SOS1: variants seen among roughly 807,000 people sequenced by gnomAD.
SOS1 encodes the protein son of sevenless homolog 1.
Under a neutral mutation model 157.6 loss-of-function variants are expected in SOS1, and 25 were observed. That is an observed-to-expected ratio of 0.16 (90% CI 0.12 to 0.22). SOS1 has a LOEUF of 0.22. Ranked by LOEUF, SOS1 falls within the 10% of genes least tolerant of loss-of-function variation. The probability of loss-of-function intolerance (pLI) is 1.00; values close to 1 mark genes in which losing one functional copy is unlikely to be tolerated. For missense variants in SOS1, 1,237 were observed against 1,599.1 expected, an observed-to-expected ratio of 0.77 and a Z score of 3.86; for synonymous variants, 528 against 534.0, an observed-to-expected ratio of 0.99 and a Z score of 0.16.
At chr2:39,076,728 G>C in intron 1 of SOS1, among the ~76,000 whole-genome samples, 1 of 151,946 alleles carries the variant, frequency 6.6e-6, no homozygotes, top group Non-Finnish European at 1.5e-5. Context: ...TTAAAACCAG[G>C]GACAAGACAA....
rs1232722789 is a variant in SOS1, at chr2:39,100,614, CATAT to C, written c.87+19718_87+19721del. ...ATATGGAAATCTGCAAAAAGTCTAA[CATAT>C]AGAAACAAAAGAGCAGGCCAGGCGT... On this transcript the variant is annotated intron_variant, in intron 1 of 22. Transcript: ENST00000402219. 5.3e-5 allele frequency among the ~76,000 whole-genome samples: 8 copies of C among 152,088 alleles called. No homozygotes were observed. In the East Asian group the frequency reaches 1.3e-3, roughly 26 times the overall value.
At chr2:39,002,483 T>C (rs1181810100) in intron 17 of SOS1, among the ~76,000 whole-genome samples, 1 of 152,170 alleles carries the variant, frequency 6.6e-6, no homozygotes, top group East Asian at 1.9e-4. Flanking sequence ...AGGTTTCTTT[T>C]CATGTCTGTG....
At chr2:39,015,801 T>C (rs1366137475) in intron 10 of SOS1, among the ~76,000 whole-genome samples, 1 of 135,232 alleles carries the variant, frequency 7.4e-6, no homozygotes, top group East Asian at 2.1e-4. Context: ...TAATTGTAAA[T>C]CTTTTTTTTT....
chr2:39,109,705 T>G (rs188194785), intron 1 of SOS1, among the ~76,000 whole-genome samples: 218 of 152,326 alleles, frequency 1.4e-3, no homozygotes, highest in Non-Finnish European at 2.3e-3. Context: ...TCATAAAATC[T>G]ATTTCCTCAG....
At chr2:39,080,668 T>C (rs1474390791) in intron 1 of SOS1, among the ~76,000 whole-genome samples, 1 of 152,184 alleles carries the variant, frequency 6.6e-6, no homozygotes, top group South Asian at 2.1e-4. Flanking sequence ...ATGCTGAGTA[T>C]TGAGAAAAAC....
In SOS1 at chr2:39,106,318, C is replaced by T. The variant is rs189756715; in HGVS notation, c.87+14018G>A. Among the ~76,000 whole-genome samples the T allele has an allele frequency of 3.3e-5, 5 of 151,746 alleles. No individual in the cohort carries two copies. The East Asian group carries it at 7.8e-4, about 24-fold the overall frequency. On this transcript the variant is annotated intron_variant, in intron 1 of 22. Coordinates refer to ENST00000402219, the MANE Select transcript of SOS1 (RefSeq NM_005633.4). ...TAAATAACATCTGAGTGGCCGGGCG[C>T]GGTGGCTCACGCCTGTAATCCCAGC...
At chr2:39,020,862 TATTC>T (rs1237685347) in intron 10 of SOS1, among the ~76,000 whole-genome samples, 2 of 150,834 alleles carry the variant, frequency 1.3e-5, no homozygotes, top group African/African-American at 4.8e-5. Flanking sequence ...TAAATTAAAA[TATTC>T]AGTTAAGCTT....
chr2:39,045,488 G>C (rs1670747478), intron 6 of SOS1, among the ~76,000 whole-genome samples: 1 of 151,844 alleles, frequency 6.6e-6, no homozygotes, highest in Admixed American at 6.6e-5. Flanking sequence ...AATGGCTGTT[G>C]TATCTTCATG....
At chr2:39,121,316 G>A (rs1200203243), upstream of SOS1, among the ~76,000 whole-genome samples, 2 of 152,118 alleles carry the variant, frequency 1.3e-5, no homozygotes, top group Non-Finnish European at 2.9e-5. Context: ...CACCCTTCTC[G>A]GAGTCCCTGG....
chr2:39,010,769 G>A, intron 14 of SOS1, 66 bp from the exon 15 acceptor site: 1 of 1,302,098 alleles, frequency 7.7e-7, no homozygotes, highest in Non-Finnish European at 1.1e-6. Flanking sequence ...GTTTTATTAA[G>A]TAAAGGAGAC....
chr2:39,061,292 C>G (rs1356184362), intron 2 of SOS1, among the ~76,000 whole-genome samples: 1 of 148,882 alleles, frequency 6.7e-6, no homozygotes, highest in Non-Finnish European at 1.5e-5. Flanking sequence ...TGTGGAGAGG[C>G]CATACTGAAG....
At chr2:39,063,896 G>A (rs1671498150) in intron 2 of SOS1, among the ~76,000 whole-genome samples, 3 of 151,644 alleles carry the variant, frequency 2.0e-5, no homozygotes, top group African/African-American at 7.3e-5. Flanking sequence ...GCAGTGGCGC[G>A]ATCACAGCTT....
At chr2:39,047,661 G>A (rs764019308) in intron 6 of SOS1, among the ~76,000 whole-genome samples, 2 of 152,158 alleles carry the variant, frequency 1.3e-5, no homozygotes, top group Non-Finnish European at 2.9e-5. Context: ...GCATGTAGGA[G>A]TTATTTTGTT....
chr2:39,067,538 T>G (rs763732395), intron 2 of SOS1, 90 bp downstream of exon 2: 98 of 1,154,426 alleles, frequency 8.5e-5, no homozygotes, highest in Middle Eastern at 1.9e-4. Context: ...ACCATATATA[T>G]AGAGAGAGCA....
At chr2:39,110,630 C>A (rs1251744735) in intron 1 of SOS1, among the ~76,000 whole-genome samples, 1 of 151,934 alleles carries the variant, frequency 6.6e-6, no homozygotes, top group Admixed American at 6.6e-5. Context: ...AAATGTATTT[C>A]AATTCCTACC....
At chr2:39,064,584 C>G (rs1671526219) in intron 2 of SOS1, among the ~76,000 whole-genome samples, 1 of 151,972 alleles carries the variant, frequency 6.6e-6, no homozygotes, top group African/African-American at 2.4e-5. Context: ...TGACCTTATT[C>G]CTCCCAACTG....
chr2:39,039,096 A>G (rs1210791766), intron 6 of SOS1, among the ~76,000 whole-genome samples: 1 of 152,218 alleles, frequency 6.6e-6, no homozygotes, highest in African/African-American at 2.4e-5. Context: ...GAGGATTATT[A>G]GCATTTTCTT....
At chr2:39,089,992 T>G (rs79885255) in intron 1 of SOS1, among the ~76,000 whole-genome samples, 11 of 141,894 alleles carry the variant, frequency 7.8e-5, no homozygotes, top group South Asian at 4.5e-4. Flanking sequence ...AAAAAAAAAT[T>G]AGCCAGGCAT....
At chr2:39,117,893 A>G (rs1673713574) in intron 1 of SOS1, among the ~76,000 whole-genome samples, 1 of 152,236 alleles carries the variant, frequency 6.6e-6, no homozygotes, top group Non-Finnish European at 1.5e-5. Context: ...CAATAAAGCC[A>G]TTAATCGAGA....
Sources: gnomAD v4.1 joint callset for allele counts (sites outside exome capture counted in the v4.1 genomes callset) on GRCh38, gnomAD v4.1.1 for gene constraint, MANE v1.5 for transcripts, NCBI Gene and HGNC (gene_info 2026-07-23, HGNC 2026-07-21) for gene names.